PEPD: variants seen among roughly 807,000 people sequenced by gnomAD.
PEPD encodes peptidase D.
Under a neutral mutation model 60.7 loss-of-function variants are expected in PEPD, and 53 were observed. The observed-to-expected ratio is 0.87, with a 90% CI of 0.70 to 1.10. PEPD has a LOEUF of 1.10. Ranked by LOEUF, PEPD falls within the 50% of genes least tolerant of loss-of-function variation. The probability of loss-of-function intolerance (pLI) is 0.00; values close to 1 mark genes in which losing one functional copy is unlikely to be tolerated. For synonymous variants in PEPD, 267 were observed against 284.1 expected (o/e 0.94, Z 0.60); for missense variants, 711 against 711.9 (o/e 1.00, Z 0.01).
chr19:33,453,663 C>T (rs983554124), intron 9 of PEPD, among the ~76,000 whole-genome samples: 19 of 152,206 alleles, frequency 1.2e-4, no homozygotes, highest in African/African-American at 1.2e-4. Flanking sequence ...CTAGGAAACA[C>T]GAAAATTTCC....
chr19:33,387,244 G>A lies in PEPD; in HGVS notation c.*100C>T. The A allele has an allele frequency of 1.4e-6, 2 of 1,388,016 alleles. No homozygotes were observed. The highest frequency in any genetic ancestry group is 2.4e-5 in the South Asian group (2 of 83,948). 86.0% of individuals were successfully genotyped at this position (1,388,016 alleles called of 1,614,324 possible). A position where few individuals can be genotyped will look rare whatever the true frequency, so the allele number is the denominator to read the frequency against. On this transcript the variant is annotated 3_prime_UTR_variant, in exon 15 of 15. Transcript: ENST00000244137. ...TGCCGAAGCTGGGATCTGATTCTGG[G>A]TGCCGTCTCTCGCTACTGGAGTGCT...
At chr19:33,495,127 C>A (rs1399172067) in intron 4 of PEPD, among the ~76,000 whole-genome samples, 2 of 150,830 alleles carry the variant, frequency 1.3e-5, no homozygotes, top group African/African-American at 2.4e-5. Flanking sequence ...CAGAGCAAGA[C>A]TCCGTCTCAA....
At chr19:33,427,779 G>A (rs1047501537) in intron 9 of PEPD, among the ~76,000 whole-genome samples, 1 of 152,148 alleles carries the variant, frequency 6.6e-6, no homozygotes, top group African/African-American at 2.4e-5. Context: ...ATAATTAGAA[G>A]AATTTGTGCT....
At chr19:33,520,911 C>T (rs762217283) in intron 1 of PEPD, among the ~76,000 whole-genome samples, 1 of 152,232 alleles carries the variant, frequency 6.6e-6, no homozygotes, top group Non-Finnish European at 1.5e-5. Context: ...CCCATCAGGG[C>T]AAAGTCTGAA....
intron 9 of PEPD, among the ~76,000 whole-genome samples, chr19:33,437,761 G>T (rs562078769): frequency 6.6e-6 from 1 of 152,060 alleles, no homozygotes. Context: ...GAGGAGACTT[G>T]GGGGGGCGGT....
chr19:33,483,925 A>G (rs1474290421), intron 6 of PEPD, among the ~76,000 whole-genome samples: 2 of 152,218 alleles, frequency 1.3e-5, no homozygotes, highest in Non-Finnish European at 2.9e-5. Context: ...CCTGCCAGCC[A>G]GGGACCCTCC....
At chr19:33,491,225 T>C (rs1050654614) in intron 5 of PEPD, among the ~76,000 whole-genome samples, 2 of 151,796 alleles carry the variant, frequency 1.3e-5, no homozygotes, top group African/African-American at 4.8e-5. Flanking sequence ...GAGGCCGAGG[T>C]GGGCAGATCA....
At chr19:33,406,806 G>A (rs1001256729) in intron 11 of PEPD, among the ~76,000 whole-genome samples, 1 of 152,164 alleles carries the variant, frequency 6.6e-6, no homozygotes, top group African/African-American at 2.4e-5. Flanking sequence ...GGGTGAGCGG[G>A]CACCCCATGG....
At chr19:33,411,171 C>T (rs1055139390) in intron 11 of PEPD, among the ~76,000 whole-genome samples, 2 of 152,190 alleles carry the variant, frequency 1.3e-5, no homozygotes, top group African/African-American at 2.4e-5. Flanking sequence ...CACGCAGCCA[C>T]GGGTCAGCAC....
At chr19:33,395,695 C>A (rs1035516976) in intron 12 of PEPD, among the ~76,000 whole-genome samples, 1 of 152,206 alleles carries the variant, frequency 6.6e-6, no homozygotes, top group Non-Finnish European at 1.5e-5. Context: ...CGGAGTGTGA[C>A]AGCCCCAGGG....
chr19:33,473,584 G>A (rs964931324), intron 7 of PEPD, among the ~76,000 whole-genome samples: 3 of 152,168 alleles, frequency 2.0e-5, no homozygotes, highest in African/African-American at 4.8e-5. Context: ...TTGCTGACAC[G>A]CCTGCTCTCC....
intron 4 of PEPD, among the ~76,000 whole-genome samples, chr19:33,495,817 C>T (rs937572873): frequency 1.1e-4 from 17 of 152,092 alleles, no homozygotes; most frequent in African/African-American, 4.1e-4. Context: ...GAAACCCCGT[C>T]TCTATTAAAA....
chr19:33,400,995 G>A (rs929940344), intron 12 of PEPD, among the ~76,000 whole-genome samples: 2 of 152,174 alleles, frequency 1.3e-5, no homozygotes, highest in Non-Finnish European at 2.9e-5. Context: ...CCCCTCCAGG[G>A]GACCTCCTCT....
intron 9 of PEPD, among the ~76,000 whole-genome samples, chr19:33,442,914 A>G (rs549723974): frequency 1.1e-3 from 171 of 152,312 alleles, no homozygotes; most frequent in African/African-American, 4.0e-3. Context: ...CTCTCCCCAC[A>G]GAACTGTGCT....
At chr19:33,414,324 A>G (rs907630538) in intron 9 of PEPD, among the ~76,000 whole-genome samples, 3 of 152,224 alleles carry the variant, frequency 2.0e-5, no homozygotes, top group African/African-American at 7.2e-5. Flanking sequence ...GGAGAGAAAG[A>G]CAAGCCCTGG....
intron 7 of PEPD, among the ~76,000 whole-genome samples, chr19:33,467,990 C>T (rs75916288): frequency 0.083 from 12,562 of 152,006 alleles, 721 homozygotes; most frequent in Admixed American, 0.17. Flanking sequence ...ACGGATACAG[C>T]GCGAGTAAAC....
At chr19:33,457,845 A>ACAAG (rs1969833351) in intron 9 of PEPD, among the ~76,000 whole-genome samples, 1 of 134,128 alleles carries the variant, frequency 7.5e-6, no homozygotes, top group African/African-American at 3.0e-5. Flanking sequence ...AAGAAAACAA[A>ACAAG]CAAACAAGCA....
intron 1 of PEPD, among the ~76,000 whole-genome samples, chr19:33,516,218 CAG>C (rs1474297987): frequency 6.6e-6 from 1 of 152,154 alleles, no homozygotes; most frequent in African/African-American, 2.4e-5. Context: ...CTGTCAGGCT[CAG>C]AGTCAACACA....
intron 9 of PEPD, among the ~76,000 whole-genome samples, chr19:33,433,302 C>T (rs768680728): frequency 3.9e-5 from 6 of 152,216 alleles, no homozygotes; most frequent in Non-Finnish European, 7.3e-5. Context: ...TCTCCTTAAA[C>T]TGCAGAGCCA....
Sources: gnomAD v4.1 joint callset for allele counts (sites outside exome capture counted in the v4.1 genomes callset) on GRCh38, gnomAD v4.1.1 for gene constraint, MANE v1.5 for transcripts, NCBI Gene and HGNC (gene_info 2026-07-23, HGNC 2026-07-21) for gene names.